UBE2V1: variants seen among roughly 807,000 people sequenced by gnomAD.
UBE2V1 encodes the protein ubiquitin-conjugating enzyme E2 variant 1.
In UBE2V1, 15 loss-of-function variants were observed where a neutral mutation model predicts 19.6. The observed-to-expected ratio is 0.77, with a 90% confidence interval of 0.51 to 1.18. The LOEUF (loss-of-function observed/expected upper bound fraction) is 1.18, where lower values mean the gene tolerates loss of function less well. UBE2V1 is among the 50% of genes most tolerant of loss of function. The pLI, the probability that UBE2V1 is intolerant of heterozygous loss-of-function variation, is 0.00. For missense variants in UBE2V1, 125 were observed against 184.8 expected (o/e 0.68, Z 1.88); for synonymous variants, 60 against 60.7 (o/e 0.99, Z 0.05).
At chr20:50,113,945 A>T (rs2080931526), upstream of UBE2V1, among the ~76,000 whole-genome samples, 1 of 152,158 alleles carries the variant, frequency 6.6e-6, no homozygotes, top group Admixed American at 6.5e-5. Context: ...GCAAGTAAAT[A>T]AACAGGAAAC....
chr20:50,084,704 C>T (rs1446489532), intron 2 of UBE2V1: 1 of 375,490 alleles, frequency 2.7e-6, no homozygotes, highest in East Asian at 7.2e-5. Flanking sequence ...AAAATTAAGA[C>T]AAGACGAGGG....
chr20:50,115,375 C>A (rs866539594), upstream of UBE2V1: 11 of 1,369,274 alleles, frequency 8.0e-6, no homozygotes, highest in South Asian at 1.9e-5. Context: ...TCGTGTATCA[C>A]GTGATACAAG....
At chr20:50,084,022 AAAT>A in intron 3 of UBE2V1, 104 bp downstream of exon 3, 1 of 1,496,238 alleles carries the variant, frequency 6.7e-7, no homozygotes, top group Non-Finnish European at 8.9e-7. Flanking sequence ...GTTTATCAAC[AAAT>A]AACCAAAGAA....
chr20:50,111,443 C>T lies in UBE2V1; in HGVS notation c.22+1664G>A, dbSNP rs6012840. Reference sequence around the variant, plus strand: ...CTGGGCCCCTTCGTTTATTACGACCCGGTAGGAGTGTTATTCTGGTGAGAA... The same window carrying T: ...CTGGGCCCCTTCGTTTATTACGACCTGGTAGGAGTGTTATTCTGGTGAGAA... On this transcript the variant is annotated intron_variant, in intron 1 of 3. Coordinates refer to ENST00000371674, the MANE Select transcript of UBE2V1 (RefSeq NM_001032288.3). 3.8e-3 allele frequency: 3,765 copies of T among 1,000,268 alleles called. 90 individuals carry two copies. The African/African-American group carries it at 0.054, about 14-fold the overall frequency. 62.0% of individuals were successfully genotyped at this position (1,000,268 alleles called of 1,614,324 possible).
At chr20:50,085,253 C>A (rs143543295) in intron 2 of UBE2V1, among the ~76,000 whole-genome samples, 1 of 152,178 alleles carries the variant, frequency 6.6e-6, no homozygotes, top group East Asian at 1.9e-4. Context: ...AAGTCCAACC[C>A]CCTATGCCAA....
At chr20:50,115,353 C>A (rs1328719552), upstream of UBE2V1, 44 of 1,367,706 alleles carry the variant, frequency 3.2e-5, no homozygotes, top group Non-Finnish European at 3.7e-5. Flanking sequence ...ACAGGTGAAG[C>A]AACTTGACTT....
upstream of UBE2V1, among the ~76,000 whole-genome samples, chr20:50,114,306 C>T (rs2080943955): frequency 6.6e-6 from 1 of 152,146 alleles, no homozygotes; most frequent in African/African-American, 2.4e-5. Flanking sequence ...TCCAATTCAT[C>T]ACCTTTGTCT....
At chr20:50,102,405 A>G (rs1432155570) in intron 1 of UBE2V1, among the ~76,000 whole-genome samples, 2 of 152,244 alleles carry the variant, frequency 1.3e-5, no homozygotes, top group Middle Eastern at 3.2e-3. Context: ...CCTTGTATGC[A>G]TCCTTGCATG....
rs576883453 is a variant in UBE2V1, at chr20:50,092,261, G to C, written c.171+4411C>G. Among the ~76,000 whole-genome samples, 384 of 152,266 alleles carry C rather than the reference G, an allele frequency of 2.5e-3. 4 individuals are homozygous for C. Among genetic ancestry groups the C allele is most frequent in the Non-Finnish European group, 4.6e-3 (316 of 68,018 alleles). On this transcript the variant is annotated intron_variant, in intron 2 of 3. Transcript: ENST00000371674. Reference sequence around the variant, plus strand: ...CGCTTGAACCCGGGAGACAGAGACTGCCGTGAGCTGAAATCACGCCACTGC... The same window carrying C: ...CGCTTGAACCCGGGAGACAGAGACTCCCGTGAGCTGAAATCACGCCACTGC...
chr20:50,106,093 T>C (rs1179628569), intron 1 of UBE2V1, among the ~76,000 whole-genome samples: 3 of 151,892 alleles, frequency 2.0e-5, no homozygotes, highest in African/African-American at 7.3e-5. Flanking sequence ...TATTAAAAAG[T>C]GAATTATGAA....
At chr20:50,103,295 T>C (rs1014426515) in intron 1 of UBE2V1, among the ~76,000 whole-genome samples, 3 of 152,218 alleles carry the variant, frequency 2.0e-5, no homozygotes, top group African/African-American at 2.4e-5. Context: ...CACAAAATTC[T>C]AATCTGGTTT....
chr20:50,103,777 C>CCCCGGT (rs970703452), intron 1 of UBE2V1, among the ~76,000 whole-genome samples: 2 of 152,188 alleles, frequency 1.3e-5, no homozygotes, highest in East Asian at 1.9e-4. Context: ...CTCTCAGAGA[C>CCCCGGT]CCCGGTCCCG....
rs144182450 is a variant in UBE2V1, at chr20:50,110,065, T to C, written c.22+3042A>G. On this transcript the variant is annotated intron_variant, in intron 1 of 3. Coordinates refer to ENST00000371674, the MANE Select transcript of UBE2V1 (RefSeq NM_001032288.3). ...AGTTTTTATAAGCTGAATGTGCATA[T>C]GAGGCCACTCCGATGTATGCAAATT... Among the ~76,000 whole-genome samples, 87 of 152,362 alleles carry C rather than the reference T, an allele frequency of 5.7e-4. 1 individual carries two copies. The East Asian group carries it at 9.1e-3, about 16-fold the overall frequency.
chr20:50,096,309 T>G (rs1040477799), intron 2 of UBE2V1: 2 of 304,504 alleles, frequency 6.6e-6, no homozygotes, highest in Non-Finnish European at 1.2e-5. Flanking sequence ...TGGGAAGGCT[T>G]TCCAGAGTTA....
intron 1 of UBE2V1, among the ~76,000 whole-genome samples, chr20:50,105,475 G>C (rs1358233004): frequency 6.6e-6 from 1 of 152,182 alleles, no homozygotes; most frequent in African/African-American, 2.4e-5. Flanking sequence ...ATATGCCAAA[G>C]AACAGAAGCA....
chr20:50,108,881 C>T (rs530397664), intron 1 of UBE2V1: 17 of 962,776 alleles, frequency 1.8e-5, no homozygotes, highest in African/African-American at 1.2e-4. Context: ...GTTCCTGAAA[C>T]GGGTAGCAGT....
intron 1 of UBE2V1, among the ~76,000 whole-genome samples, chr20:50,106,244 C>T (rs1350245433): frequency 6.6e-6 from 1 of 152,148 alleles, no homozygotes; most frequent in Non-Finnish European, 1.5e-5. Context: ...TATCAAAAGT[C>T]AGCCGGTTAT....
chr20:50,102,893 G>A (rs1433431565), intron 1 of UBE2V1, among the ~76,000 whole-genome samples: 1 of 152,176 alleles, frequency 6.6e-6, no homozygotes, highest in Non-Finnish European at 1.5e-5. Context: ...AGTTTCTGAA[G>A]AGGCATCCTT....
chr20:50,106,504 T>A (rs926559300), intron 1 of UBE2V1, among the ~76,000 whole-genome samples: 2 of 152,116 alleles, frequency 1.3e-5, no homozygotes, highest in African/African-American at 4.8e-5. Context: ...AGCATGTCAA[T>A]CTTGGAAAAC....
Sources: allele counts gnomAD v4.1 joint callset (sites outside exome capture counted in the v4.1 genomes callset), GRCh38; gene constraint gnomAD v4.1.1; transcripts MANE v1.5; gene names NCBI Gene and HGNC (gene_info 2026-07-23, HGNC 2026-07-21).